GALNT13: variants seen among roughly 807,000 people sequenced by gnomAD.
The protein encoded by GALNT13 is polypeptide N-acetylgalactosaminyltransferase 13.
In GALNT13, 28 loss-of-function variants were observed where a neutral mutation model predicts 64.2. The ratio of observed to expected loss-of-function variants is 0.44; its 90% CI spans 0.32 to 0.60. The LOEUF is 0.60. Among genes scored for constraint, GALNT13 ranks in the 20% least tolerant of loss-of-function variants. GALNT13 has a pLI of 0.05. For synonymous variants in GALNT13, 214 were observed against 224.6 expected, an observed-to-expected ratio of 0.95 and a Z score of 0.42; for missense variants, 577 against 669.8, an observed-to-expected ratio of 0.86 and a Z score of 1.53.
chr2:153,832,245 C>T, the GALNT13 span, among the ~76,000 whole-genome samples: 1 of 152,094 alleles, frequency 6.6e-6, no homozygotes, highest in Non-Finnish European at 1.5e-5. Context: ...AGGAAGATCA[C>T]AGCAGACATT....
chr2:154,274,788 A>G (rs1010620782), intron 8 of GALNT13, among the ~76,000 whole-genome samples: 2 of 152,152 alleles, frequency 1.3e-5, no homozygotes, highest in Admixed American at 6.5e-5. Flanking sequence ...ATACCCAAAA[A>G]TGTAGAAGTG....
the GALNT13 span, among the ~76,000 whole-genome samples, chr2:153,147,025 T>C: frequency 6.6e-6 from 1 of 151,874 alleles, no homozygotes; most frequent in Non-Finnish European, 1.5e-5. Context: ...CATTAATTCA[T>C]GGCTGAGCTA....
intron 7 of GALNT13, among the ~76,000 whole-genome samples, chr2:154,253,324 G>A (rs1321528695): frequency 2.6e-5 from 4 of 152,038 alleles, no homozygotes; most frequent in African/African-American, 9.7e-5. Context: ...TTGTCTTCTT[G>A]GTGAAAATAC....
At chr2:153,178,621 T>C in the GALNT13 span, among the ~76,000 whole-genome samples, 257 of 152,228 alleles carry the variant, frequency 1.7e-3, no homozygotes, top group African/African-American at 5.9e-3. Flanking sequence ...CTTTATTGGA[T>C]GTATGGCTTG....
chr2:153,188,390 T>C, the GALNT13 span, among the ~76,000 whole-genome samples: 1 of 131,556 alleles, frequency 7.6e-6, no homozygotes, highest in Admixed American at 7.4e-5. Flanking sequence ...ATAAACTAAA[T>C]AATAATGGCA....
chr2:153,520,880 T>C, the GALNT13 span, among the ~76,000 whole-genome samples: 1 of 152,306 alleles, frequency 6.6e-6, no homozygotes, highest in Admixed American at 6.5e-5. Flanking sequence ...ATGTAAATCA[T>C]AAATAGGTTA....
At chr2:154,132,708 AAACATGAAAAAAT>A (rs572783886) in intron 3 of GALNT13, among the ~76,000 whole-genome samples, 83 of 152,106 alleles carry the variant, frequency 5.5e-4, no homozygotes, top group South Asian at 4.2e-3. Context: ...CAACTTGGTG[AAACATGAAAAAAT>A]AACATGAAAA....
At chr2:154,170,463 A>G (rs937464632) in intron 4 of GALNT13, among the ~76,000 whole-genome samples, 1 of 152,144 alleles carries the variant, frequency 6.6e-6, no homozygotes, top group African/African-American at 2.4e-5. Context: ...GTGACCATAT[A>G]TATGATTGAC....
chr2:153,341,689 C>T, the GALNT13 span, among the ~76,000 whole-genome samples: 1 of 152,182 alleles, frequency 6.6e-6, no homozygotes, highest in Non-Finnish European at 1.5e-5. Flanking sequence ...GAATACTCAC[C>T]TTCTAATTGG....
chr2:154,269,884 A>ATATATATATT (rs1691231273), intron 8 of GALNT13, among the ~76,000 whole-genome samples: 2 of 121,934 alleles, frequency 1.6e-5, no homozygotes, highest in African/African-American at 5.7e-5. Flanking sequence ...AAAGATTGTC[A>ATATATATATT]TATATATATT....
intron 3 of GALNT13, among the ~76,000 whole-genome samples, chr2:153,962,951 G>A (rs1228014390): frequency 6.6e-6 from 1 of 152,150 alleles, no homozygotes; most frequent in Non-Finnish European, 1.5e-5. Flanking sequence ...CGGTTCTGTT[G>A]CATAAAAATA....
chr2:154,366,320 G>A (rs1185850350), intron 9 of GALNT13, among the ~76,000 whole-genome samples: 1 of 152,074 alleles, frequency 6.6e-6, no homozygotes, highest in Non-Finnish European at 1.5e-5. Context: ...AAAATATAAT[G>A]TACATGTGTA....
chr2:154,173,923 G>A (rs1179948785), intron 4 of GALNT13, among the ~76,000 whole-genome samples: 5 of 152,058 alleles, frequency 3.3e-5, no homozygotes, highest in African/African-American at 7.2e-5. Flanking sequence ...AAAGGGGAAT[G>A]CCCACACACT....
chr2:153,361,420 C>T, the GALNT13 span, among the ~76,000 whole-genome samples: 2 of 151,870 alleles, frequency 1.3e-5, no homozygotes, highest in East Asian at 3.9e-4. Context: ...ATAACAAATT[C>T]TGTTGAGCTA....
At chr2:153,727,456 T>C in the GALNT13 span, among the ~76,000 whole-genome samples, 1 of 152,202 alleles carries the variant, frequency 6.6e-6, no homozygotes, top group Non-Finnish European at 1.5e-5. Context: ...CGTTCAAGTG[T>C]ACACATTTCT....
At chr2:153,979,402 T>C (rs1039534893) in intron 3 of GALNT13, among the ~76,000 whole-genome samples, 1 of 152,134 alleles carries the variant, frequency 6.6e-6, no homozygotes, top group East Asian at 1.9e-4. Flanking sequence ...TAGAGGCACT[T>C]ACAACTAAAT....
At chr2:154,206,799 C>CAA (rs564277662) in intron 4 of GALNT13, among the ~76,000 whole-genome samples, 10 of 132,008 alleles carry the variant, frequency 7.6e-5, no homozygotes, top group African/African-American at 1.6e-4. Context: ...ACAACAACAA[C>CAA]AAAAAAAAAA....
intron 6 of GALNT13, among the ~76,000 whole-genome samples, chr2:154,245,104 A>AAATAAAT: frequency 7.3e-6 from 1 of 137,832 alleles, no homozygotes. Context: ...AGGCTCTGTC[A>AAATAAAT]AAATAAATAA....
the GALNT13 span, among the ~76,000 whole-genome samples, chr2:153,506,834 G>A: frequency 8.5e-5 from 13 of 152,112 alleles, no homozygotes; most frequent in African/African-American, 2.9e-4. Context: ...TGAACTTTTT[G>A]TGATGAATTT....
Sources: allele counts gnomAD v4.1 joint callset (sites outside exome capture counted in the v4.1 genomes callset), GRCh38; gene constraint gnomAD v4.1.1; transcripts MANE v1.5; gene names NCBI Gene and HGNC (gene_info 2026-07-23, HGNC 2026-07-21).